GDAP1L1: variants seen among roughly 807,000 people sequenced by gnomAD.
The protein encoded by GDAP1L1 is ganglioside induced differentiation associated protein 1 like 1, also known as ganglioside-induced differentiation-associated protein 1-like 1.
GDAP1L1 carries 21 observed loss-of-function variants against 37.1 expected under a neutral mutation model. The ratio of observed to expected loss-of-function variants is 0.57; its 90% confidence interval spans 0.40 to 0.81. GDAP1L1 has a LOEUF of 0.81. GDAP1L1 is among the 40% of genes least tolerant of loss of function. The pLI is 0.00. For synonymous variants in GDAP1L1, 193 were observed against 209.1 expected, an observed-to-expected ratio of 0.92 and a Z score of 0.67; for missense variants, 362 against 491.6, an observed-to-expected ratio of 0.74 and a Z score of 2.49.
chr20:44,254,360 C>T (rs1025717143), intron 1 of GDAP1L1, among the ~76,000 whole-genome samples: 5 of 152,206 alleles, frequency 3.3e-5, no homozygotes, highest in African/African-American at 7.2e-5. Context: ...CTCATACACA[C>T]GCACTCACAC....
intron 4 of GDAP1L1, among the ~76,000 whole-genome samples, chr20:44,264,125 G>A (rs1196572089): frequency 3.3e-5 from 5 of 152,236 alleles, no homozygotes; most frequent in African/African-American, 9.6e-5. Flanking sequence ...GGAGGGGTGC[G>A]GGCCGGTAAC....
chr20:44,256,998 C>A (rs2073561763), intron 1 of GDAP1L1, 155 bp from the exon 2 acceptor site: 2 of 311,154 alleles, frequency 6.4e-6, no homozygotes, highest in African/African-American at 2.3e-5. Flanking sequence ...TGGGAGATAT[C>A]CCCCCAAACC....
chr20:44,270,328 G>A (rs867089553), intron 5 of GDAP1L1, among the ~76,000 whole-genome samples: 7 of 151,220 alleles, frequency 4.6e-5, no homozygotes, highest in Admixed American at 2.0e-4. Context: ...CCGCCACTAC[G>A]CCCGGCTAAT....
intron 5 of GDAP1L1, among the ~76,000 whole-genome samples, chr20:44,267,277 G>A (rs574705617): frequency 7.1e-4 from 108 of 152,284 alleles, no homozygotes; most frequent in African/African-American, 2.5e-3. Flanking sequence ...CTGTTTAACA[G>A]AGGAGGAAGC....
chr20:44,271,971 C>T (rs938979926), intron 5 of GDAP1L1, among the ~76,000 whole-genome samples: 1 of 152,186 alleles, frequency 6.6e-6, no homozygotes, highest in Non-Finnish European at 1.5e-5. Context: ...GATTCAGGAA[C>T]CTGGACAGAG....
At chr20:44,257,046 C>A in intron 1 of GDAP1L1, 107 bp from the exon 2 acceptor site, 1 of 1,180,604 alleles carries the variant, frequency 8.5e-7, no homozygotes, top group Non-Finnish European at 1.2e-6. Context: ...ATCGTGTCCC[C>A]TCCTGTGTGT....
chr20:44,253,124 T>G (rs1436133897), intron 1 of GDAP1L1, among the ~76,000 whole-genome samples: 1 of 152,134 alleles, frequency 6.6e-6, no homozygotes, highest in Non-Finnish European at 1.5e-5. Context: ...GGTACCCCGA[T>G]TCCCCTTCCC....
chr20:44,276,458 A>AAGAAAGAAAG (rs1456856510), intron 5 of GDAP1L1, among the ~76,000 whole-genome samples: 10 of 150,218 alleles, frequency 6.7e-5, no homozygotes, highest in African/African-American at 2.5e-4. Flanking sequence ...GAAAGAAAGA[A>AAGAAAGAAAG]AGAAAGAAAA....
intron 5 of GDAP1L1, among the ~76,000 whole-genome samples, chr20:44,267,425 C>A (rs1189038758): frequency 6.6e-6 from 1 of 152,048 alleles, no homozygotes; most frequent in Non-Finnish European, 1.5e-5. Flanking sequence ...GCCTGGCCAA[C>A]ATGGTGAAAC....
chr20:44,251,919 A>AC (rs1298443676), intron 1 of GDAP1L1, among the ~76,000 whole-genome samples: 3 of 152,356 alleles, frequency 2.0e-5, no homozygotes, highest in Non-Finnish European at 2.9e-5. Flanking sequence ...CTTATATAAC[A>AC]CGGTCTGGTG....
chr20:44,262,232 T>C (rs1298437455), intron 3 of GDAP1L1, among the ~76,000 whole-genome samples: 1 of 151,580 alleles, frequency 6.6e-6, no homozygotes, highest in African/African-American at 2.4e-5. Context: ...AGAGGGTGGG[T>C]GAAACCATCT....
chr20:44,257,854 C>T (rs150842187), intron 2 of GDAP1L1, among the ~76,000 whole-genome samples: 2 of 151,972 alleles, frequency 1.3e-5, no homozygotes, highest in Non-Finnish European at 1.5e-5. Flanking sequence ...AAGGCCCAGA[C>T]ACCCCAGAAC....
intron 5 of GDAP1L1, among the ~76,000 whole-genome samples, chr20:44,278,166 A>G (rs1452485185): frequency 2.6e-5 from 4 of 151,576 alleles, no homozygotes; most frequent in South Asian, 2.1e-4. Context: ...AAAAAAAAAA[A>G]AAAAAGAAAA....
rs188295703 is a variant in GDAP1L1 at position 44,280,102 on chromosome 20, C to T, written c.*802C>T. The T allele has an allele frequency of 1.9e-4, 57 of 296,626 alleles. No homozygotes were observed. The highest frequency in any genetic ancestry group is 1.1e-3 in the African/African-American group (50 of 45,964). 18.4% of individuals were successfully genotyped at this position (296,626 alleles called of 1,614,324 possible). A position where few individuals can be genotyped will look rare whatever the true frequency, so the allele number is the denominator to read the frequency against. ...GGTCAGTCCAGCCCAAGTGCAGGGG[C>T]GGATCTGGAGGTGGACAAACCTAGG... On this transcript the variant is annotated 3_prime_UTR_variant, in exon 6 of 6. Coordinates refer to ENST00000342560, the MANE Select transcript of GDAP1L1 (RefSeq NM_024034.6).
At chr20:44,273,472 C>G (rs2062541657) in intron 5 of GDAP1L1, among the ~76,000 whole-genome samples, 1 of 152,206 alleles carries the variant, frequency 6.6e-6, no homozygotes, top group Admixed American at 6.5e-5. Context: ...ACTCCCATCA[C>G]AATCGCACCT....
Position 44,280,578 on chromosome 20 carries a change from T to C in GDAP1L1, c.*1278T>C, listed in dbSNP as rs1275767268. On this transcript the variant is annotated 3_prime_UTR_variant, in exon 6 of 6. Coordinates refer to ENST00000342560, the MANE Select transcript of GDAP1L1 (RefSeq NM_024034.6). ...CTGACCTTAACATCAACCCAGCTCA[T>C]TTAGGCTCAGCCCTTTACAGGTTAC... 6.6e-6 allele frequency: 1 copy of C among 152,354 alleles called. No individual in the cohort carries two copies. Among genetic ancestry groups the C allele is most frequent in the African/African-American group, 2.4e-5 (1 of 41,460 alleles). The allele number at this position is 152,354 out of a possible 1,614,324, so 9.4% of individuals were successfully genotyped here.
chr20:44,253,900 C>T (rs1035471481), intron 1 of GDAP1L1, among the ~76,000 whole-genome samples: 1 of 152,252 alleles, frequency 6.6e-6, no homozygotes, highest in Non-Finnish European at 1.5e-5. Flanking sequence ...CTGATACTTT[C>T]ATGGGAGACC....
At chr20:44,278,165 A>G (rs916408487) in intron 5 of GDAP1L1, among the ~76,000 whole-genome samples, 52 of 151,424 alleles carry the variant, frequency 3.4e-4, no homozygotes, top group African/African-American at 1.2e-3. Flanking sequence ...AAAAAAAAAA[A>G]AAAAAAGAAA....
rs1278041945 is a variant in GDAP1L1 at position 44,280,233 on chromosome 20, G to A, written c.*933G>A. On this transcript the variant is annotated 3_prime_UTR_variant, in exon 6 of 6. Coordinates refer to ENST00000342560, the MANE Select transcript of GDAP1L1 (RefSeq NM_024034.6). ...ACGGTGCCATGGAGCCGGGGAGAGC[G>A]GGGAAGTCTCTGCATCCATGCCACC... The A allele has an allele frequency of 1.9e-5, 3 of 161,116 alleles. No individual in the cohort carries two copies. Among genetic ancestry groups the A allele is most frequent in the Non-Finnish European group, 2.7e-5 (2 of 73,398 alleles). 10.0% of individuals were successfully genotyped at this position (161,116 alleles called of 1,614,324 possible).
Sources: allele counts gnomAD v4.1 joint callset (sites outside exome capture counted in the v4.1 genomes callset), GRCh38; gene constraint gnomAD v4.1.1; transcripts MANE v1.5; gene names NCBI Gene and HGNC (gene_info 2026-07-23, HGNC 2026-07-21).